Variants in ZNF141 observed in about 807,000 individuals in gnomAD.
The protein encoded by ZNF141 is zinc finger protein 141.
Under a neutral mutation model 11.3 loss-of-function variants are expected in ZNF141, and 7 were observed. The observed-to-expected ratio is 0.62, with a 90% CI of 0.35 to 1.16. The LOEUF is 1.16. Ranked by LOEUF, ZNF141 falls within the 50% of genes most tolerant of loss-of-function variation. The probability of loss-of-function intolerance (pLI) is 0.02; values close to 1 mark genes in which losing one functional copy is unlikely to be tolerated. For missense variants in ZNF141, 535 were observed against 554.0 expected, an observed-to-expected ratio of 0.97 and a Z score of 0.34; for synonymous variants, 183 against 190.7, an observed-to-expected ratio of 0.96 and a Z score of 0.33.
chr4:375,513 CAG>C lies in ZNF141; in HGVS notation c.*1654_*1655del, dbSNP rs1291487089. Among the ~76,000 whole-genome samples the C allele has an allele frequency of 2.0e-5, 3 of 151,820 alleles. No homozygotes were observed. Among genetic ancestry groups the C allele is most frequent in the East Asian group, 1.9e-4 (1 of 5,184 alleles). ...TCTAAAAAGAAGAGTATGTAAACAT[CAG>C]AGGATTTACAGTAGAAAGAACTAAG... On this transcript the variant is annotated 3_prime_UTR_variant, in exon 4 of 4. Transcript: ENST00000240499.
chr4:360,991 T>TA (rs1362991958), intron 3 of ZNF141, among the ~76,000 whole-genome samples: 1 of 152,184 alleles, frequency 6.6e-6, no homozygotes, highest in Admixed American at 6.5e-5. Flanking sequence ...TGTTTGATTA[T>TA]ATATTATTCT....
intron 3 of ZNF141, among the ~76,000 whole-genome samples, chr4:357,280 C>T (rs1002597139): frequency 1.3e-5 from 2 of 151,994 alleles, no homozygotes; most frequent in African/African-American, 4.8e-5. Context: ...GATTGAATAG[C>T]TTTCTGAGAT....
rs1371123385 is a variant in ZNF141 at position 381,217 on chromosome 4, A to C, written c.*7355A>C. 6.6e-6 allele frequency among the ~76,000 whole-genome samples: 1 copy of C among 152,006 alleles called. No individual in the cohort carries two copies. Among genetic ancestry groups the C allele is most frequent in the Non-Finnish European group, 1.5e-5 (1 of 67,994 alleles). ...TTAGTTTCCTTTGTGCCTGTTTCTC[A>C]GTTTTGCCTAAATGCTACCAATTAT... On this transcript the variant is annotated 3_prime_UTR_variant, in exon 4 of 4. Coordinates refer to ENST00000240499, the MANE Select transcript of ZNF141 (RefSeq NM_003441.4).
intron 3 of ZNF141, among the ~76,000 whole-genome samples, chr4:358,791 G>T (rs1245993417): frequency 4.0e-5 from 6 of 151,798 alleles, no homozygotes; most frequent in Admixed American, 1.3e-4. Flanking sequence ...GGCCAGGATG[G>T]TCACGATCTC....
At position 369,735 on chromosome 4, in the gene ZNF141, GAGAT is replaced by G. The variant is rs1186163709; in HGVS notation, c.227-2927_227-2924del. Among the ~76,000 whole-genome samples, 125 of 16,116 alleles carry G rather than the reference GAGAT, an allele frequency of 7.8e-3. 16 individuals are homozygous for G. The highest frequency in any genetic ancestry group is 0.06 in the Middle Eastern group (3 of 50). 10.6% of individuals were successfully genotyped at this position (16,116 alleles called of 152,430 possible). A position where few individuals can be genotyped will look rare whatever the true frequency, so the allele number is the denominator to read the frequency against. On this transcript the variant is annotated intron_variant, in intron 3 of 3. Coordinates refer to ENST00000240499, the MANE Select transcript of ZNF141 (RefSeq NM_003441.4). Reference sequence around the variant, plus strand: ...TGGGAATTCTGAAAAATTTCTTAAAGAGATATATATATATATATATATATATATA... The same window carrying G: ...TGGGAATTCTGAAAAATTTCTTAAAGATATATATATATATATATATATATA...
chr4:368,592 G>T (rs1711864824), intron 3 of ZNF141, among the ~76,000 whole-genome samples: 3 of 152,154 alleles, frequency 2.0e-5, no homozygotes, highest in Admixed American at 2.0e-4. Flanking sequence ...TTTATCCATT[G>T]ATTTGGTGAG....
At chr4:349,225 G>A (rs1721478059) in intron 3 of ZNF141, among the ~76,000 whole-genome samples, 1 of 151,762 alleles carries the variant, frequency 6.6e-6, no homozygotes, top group African/African-American at 2.4e-5. Flanking sequence ...TGTGAGTACA[G>A]GAGTTTGAGA....
In ZNF141 at chr4:343,794, T is replaced by C; in HGVS notation, c.16T>C (p.Phe6Leu). 1 of 1,578,460 alleles carries C rather than the reference T, an allele frequency of 6.3e-7. No homozygotes were observed. Among genetic ancestry groups the C allele is most frequent in the Non-Finnish European group, 8.6e-7 (1 of 1,166,998 alleles). Residue 6 changes from phenylalanine (F) to leucine (L), a missense_variant, in exon 2 of 4, where the codon TTC becomes CTC. Phe to Leu is a conservative substitution (Grantham distance 22). Coordinates refer to ENST00000240499, the MANE Select transcript of ZNF141 (RefSeq NM_003441.4). MELLT[F>L]RDVAIEFSPE... The stretch of plus-strand genomic sequence containing the variant: ...TTTGTATTTTCAGGAACTCTTAACA[T>C]TCAGGGATGTGGCCATAGAATTCTC...
At chr4:368,796 A>C (rs1474730565) in intron 3 of ZNF141, among the ~76,000 whole-genome samples, 2 of 152,216 alleles carry the variant, frequency 1.3e-5, no homozygotes, top group Non-Finnish European at 2.9e-5. Flanking sequence ...TTTGAAATCA[A>C]GAACTGTAGT....
At position 375,986 on chromosome 4, in the gene ZNF141, A is replaced by T. The variant is rs1441880950; in HGVS notation, c.*2124A>T. Among the ~76,000 whole-genome samples, 6 of 152,034 alleles carry T rather than the reference A, an allele frequency of 3.9e-5. No individual in the cohort carries two copies. Among genetic ancestry groups the T allele is most frequent in the African/African-American group, 7.2e-5 (3 of 41,430 alleles). On this transcript the variant is annotated 3_prime_UTR_variant, in exon 4 of 4. Coordinates refer to ENST00000240499, the MANE Select transcript of ZNF141 (RefSeq NM_003441.4). ...ATTCTTCTGCATTATAGTGAGAGAA[A>T]ATCTGTTTTAGTAGTAAATTGTTTT...
In ZNF141 at chr4:373,270, C is replaced by G; in HGVS notation, c.833C>G (p.Ala278Gly). Residue 278 changes from alanine (A) to glycine (G), a missense_variant, in exon 4 of 4, where the codon GCT becomes GGT. Transcript: ENST00000240499. ...TTLTKHKRIH[A>G]GEKPITCEEC... ...CTTACTAAACATAAGAGAATTCATG[C>G]TGGAGAGAAACCCATCACATGTGAA... 1 of 1,613,912 alleles carries G rather than the reference C, an allele frequency of 6.2e-7. No individual in the cohort carries two copies. Among genetic ancestry groups the G allele is most frequent in the South Asian group, 1.1e-5 (1 of 91,064 alleles).
intron 2 of ZNF141, 83 bp from the exon 3 acceptor site, chr4:344,252 T>C: frequency 8.4e-7 from 1 of 1,194,552 alleles, no homozygotes; most frequent in Non-Finnish European, 1.2e-6. Flanking sequence ...ATAATATCTC[T>C]ATTCTGCTTA....
At chr4:346,500 A>C (rs1277339363) in intron 3 of ZNF141, among the ~76,000 whole-genome samples, 1 of 152,194 alleles carries the variant, frequency 6.6e-6, no homozygotes, top group Non-Finnish European at 1.5e-5. Context: ...AGCAAATTTA[A>C]AGCATACATT....
At chr4:359,870 T>G (rs1366034249) in intron 3 of ZNF141, among the ~76,000 whole-genome samples, 2 of 152,186 alleles carry the variant, frequency 1.3e-5, no homozygotes, top group Non-Finnish European at 2.9e-5. Flanking sequence ...TTCCACATCA[T>G]GACTGACATG....
chr4:354,606 T>C (rs1000892984), intron 3 of ZNF141, among the ~76,000 whole-genome samples: 1 of 152,146 alleles, frequency 6.6e-6, no homozygotes, highest in African/African-American at 2.4e-5. Flanking sequence ...TATGCTAACA[T>C]TGGGATTATT....
At chr4:360,103 T>G (rs1482749951) in intron 3 of ZNF141, among the ~76,000 whole-genome samples, 2 of 152,238 alleles carry the variant, frequency 1.3e-5, no homozygotes, top group Non-Finnish European at 2.9e-5. Flanking sequence ...GCACACCCTC[T>G]CAATACAGCC....
chr4:357,035 G>A (rs1279126372), intron 3 of ZNF141, among the ~76,000 whole-genome samples: 2 of 152,180 alleles, frequency 1.3e-5, no homozygotes, highest in East Asian at 3.9e-4. Flanking sequence ...GTTGAGTGCA[G>A]CCTCAACCTT....
chr4:357,707 C>CTTT (rs572493320), intron 3 of ZNF141, among the ~76,000 whole-genome samples: 5 of 132,580 alleles, frequency 3.8e-5, no homozygotes, highest in Non-Finnish European at 6.5e-5. Flanking sequence ...TTTCTTTTTT[C>CTTT]TTTTTTTTTT....
At chr4:354,741 A>G (rs192066886) in intron 3 of ZNF141, among the ~76,000 whole-genome samples, 3 of 152,018 alleles carry the variant, frequency 2.0e-5, no homozygotes, top group Non-Finnish European at 4.4e-5. Context: ...TTATGATTCT[A>G]TTTTCATTTT....
Sources: gnomAD v4.1 joint callset for allele counts (sites outside exome capture counted in the v4.1 genomes callset) on GRCh38, gnomAD v4.1.1 for gene constraint, MANE v1.5 for transcripts, NCBI Gene and HGNC (gene_info 2026-07-23, HGNC 2026-07-21) for gene names.